Variants in FMN1 observed in about 807,000 individuals in gnomAD.
The protein encoded by FMN1 is formin 1.
A neutral mutation model predicts 132.4 loss-of-function variants in FMN1; 110 were observed. That is an observed-to-expected ratio of 0.83 (90% CI 0.71 to 0.97). FMN1 has a LOEUF of 0.97. Among genes scored for constraint, FMN1 ranks in the 50% least tolerant of loss-of-function variants. The probability of loss-of-function intolerance (pLI) is 0.00; values close to 1 mark genes in which losing one functional copy is unlikely to be tolerated. For missense variants in FMN1, 1,792 were observed against 1,705.3 expected (o/e 1.05, Z -0.90); for synonymous variants, 722 against 651.7 (o/e 1.11, Z -1.64).
At chr15:32,989,412 G>T (rs2033294081) in intron 7 of FMN1, among the ~76,000 whole-genome samples, 2 of 152,132 alleles carry the variant, frequency 1.3e-5, no homozygotes, top group Admixed American at 6.5e-5. Context: ...AGGGCACAAA[G>T]AATTGGCAAA....
At chr15:33,041,249 A>G (rs1414646365) in intron 6 of FMN1, among the ~76,000 whole-genome samples, 1 of 152,116 alleles carries the variant, frequency 6.6e-6, no homozygotes, top group Non-Finnish European at 1.5e-5. Flanking sequence ...TAGGTCTATG[A>G]TAGAAGAGTA....
rs757567317 is a variant in FMN1, at chr15:33,025,529, A to G, written c.2162-17454T>C. On this transcript the variant is annotated intron_variant, in intron 6 of 20. Coordinates refer to ENST00000616417, the MANE Select transcript of FMN1 (RefSeq NM_001277313.2). Reference sequence around the variant, plus strand: ...GCAATTAAATTAAAATCCACAATAAAATGATAAGCTAAAAACAATTAAAAG... The same window carrying G: ...GCAATTAAATTAAAATCCACAATAAGATGATAAGCTAAAAACAATTAAAAG... 1.9e-4 allele frequency among the ~76,000 whole-genome samples: 29 copies of G among 152,328 alleles called. 1 individual carries two copies. The highest frequency in any genetic ancestry group is 2.9e-4 in the Non-Finnish European group (20 of 68,010).
At chr15:33,033,798 A>G (rs1389108110) in intron 6 of FMN1, among the ~76,000 whole-genome samples, 1 of 152,136 alleles carries the variant, frequency 6.6e-6, no homozygotes, top group Non-Finnish European at 1.5e-5. Context: ...TCTTTCATTG[A>G]GAAGATCACA....
chr15:33,019,569 C>T (rs2035299913), intron 6 of FMN1, among the ~76,000 whole-genome samples: 1 of 152,178 alleles, frequency 6.6e-6, no homozygotes, highest in Non-Finnish European at 1.5e-5. Flanking sequence ...AGCGCAGAAG[C>T]CCGGGGCGGT....
chr15:32,825,801 TTG>T (rs1191457072), intron 17 of FMN1, among the ~76,000 whole-genome samples: 17 of 152,184 alleles, frequency 1.1e-4, no homozygotes, highest in African/African-American at 4.1e-4. Flanking sequence ...CCTGACTACG[TTG>T]TGAGATCTTT....
chr15:33,008,939 C>T (rs1030814748), intron 6 of FMN1, among the ~76,000 whole-genome samples: 1 of 152,120 alleles, frequency 6.6e-6, no homozygotes, highest in African/African-American at 2.4e-5. Context: ...GCAGTTTGAC[C>T]TCATTGAAAT....
chr15:32,995,289 G>C (rs913301658), intron 7 of FMN1, among the ~76,000 whole-genome samples: 1 of 152,090 alleles, frequency 6.6e-6, no homozygotes, highest in African/African-American at 2.4e-5. Flanking sequence ...GAAAATCTAA[G>C]TCTTGGAAAG....
chr15:33,193,862 G>C (rs1277657275), intron 2 of FMN1, 47 bp downstream of exon 2: 1 of 151,342 alleles, frequency 6.6e-6, no homozygotes, highest in Non-Finnish European at 1.5e-5. Flanking sequence ...AGCACTGTTC[G>C]TTATTTGGTG....
intron 17 of FMN1, among the ~76,000 whole-genome samples, chr15:32,854,543 T>C (rs2059080120): frequency 6.6e-6 from 1 of 152,240 alleles, no homozygotes; most frequent in African/African-American, 2.4e-5. Flanking sequence ...TTTGATGTTA[T>C]TCCTAATGTT....
At chr15:32,804,136 G>C (rs972560285) in intron 18 of FMN1, 145 bp downstream of exon 18, 2 of 625,300 alleles carry the variant, frequency 3.2e-6, no homozygotes, top group South Asian at 2.1e-5. Context: ...TGGGGAATTT[G>C]TGTTTAAAGG....
At chr15:33,193,129 T>C (rs1966135954) in intron 2 of FMN1, among the ~76,000 whole-genome samples, 1 of 152,222 alleles carries the variant, frequency 6.6e-6, no homozygotes, top group Non-Finnish European at 1.5e-5. Flanking sequence ...TCCTGGACTG[T>C]AACACAGTTG....
intron 19 of FMN1, among the ~76,000 whole-genome samples, chr15:32,793,365 C>T (rs1411468547): frequency 4.0e-5 from 6 of 151,872 alleles, no homozygotes; most frequent in Non-Finnish European, 7.4e-5. Flanking sequence ...CTGCAACCTT[C>T]GCCTCCCAGG....
intron 17 of FMN1, among the ~76,000 whole-genome samples, chr15:32,852,099 A>G (rs559234016): frequency 1.3e-5 from 2 of 152,240 alleles, no homozygotes; most frequent in East Asian, 1.9e-4. Context: ...ATTCATTCCT[A>G]TGACTTGAAC....
At chr15:32,935,223 TAGAC>T (rs2061234889) in intron 9 of FMN1, among the ~76,000 whole-genome samples, 1 of 152,002 alleles carries the variant, frequency 6.6e-6, no homozygotes, top group Admixed American at 6.5e-5. Context: ...ACCCAGCCGA[TAGAC>T]AGTTTTTCTA....
chr15:33,184,057 C>A (rs530814943), intron 2 of FMN1, among the ~76,000 whole-genome samples: 2 of 152,090 alleles, frequency 1.3e-5, no homozygotes, highest in South Asian at 4.1e-4. Flanking sequence ...AGTTTCAATT[C>A]AGTTTCTTTT....
At chr15:32,785,446 T>G (rs890742325) in intron 19 of FMN1, among the ~76,000 whole-genome samples, 3 of 151,546 alleles carry the variant, frequency 2.0e-5, no homozygotes, top group African/African-American at 7.3e-5. Context: ...TGGTTCAGGT[T>G]TGGGTTTACA....
At chr15:32,995,403 G>A (rs1304082022) in intron 7 of FMN1, among the ~76,000 whole-genome samples, 1 of 152,098 alleles carries the variant, frequency 6.6e-6, no homozygotes, top group South Asian at 2.1e-4. Flanking sequence ...TAGTCTCTGC[G>A]TAATATTAGG....
chr15:33,012,546 GAA>G, intron 6 of FMN1: 2 of 1,528,298 alleles, frequency 1.3e-6, no homozygotes, highest in Non-Finnish European at 1.8e-6. Flanking sequence ...GCAGTGGCAA[GAA>G]AAGGGGCTTT....
At chr15:33,066,862 G>GA (rs778380132) in intron 5 of FMN1, 3 of 1,613,966 alleles carry the variant, frequency 1.9e-6, no homozygotes, top group Admixed American at 1.7e-5. Context: ...GCTGCTCCAG[G>GA]AGAGTGGGAG....
Sources: gnomAD v4.1 joint callset for allele counts (sites outside exome capture counted in the v4.1 genomes callset) on GRCh38, gnomAD v4.1.1 for gene constraint, MANE v1.5 for transcripts, NCBI Gene and HGNC (gene_info 2026-07-23, HGNC 2026-07-21) for gene names.